The following DOT1L variants were observed in gnomAD, a reference collection of about 807,000 sequenced individuals.
DOT1L encodes the protein histone-lysine N-methyltransferase, H3 lysine-79 specific.
Under a neutral mutation model 153.3 loss-of-function variants are expected in DOT1L, and 33 were observed. That is an observed-to-expected ratio of 0.22 (90% CI 0.16 to 0.29). The LOEUF is 0.29. Ranked by LOEUF, DOT1L falls within the 10% of genes least tolerant of loss-of-function variation. DOT1L has a pLI of 1.00. For missense variants in DOT1L, 1,847 were observed against 2,119.9 expected, an observed-to-expected ratio of 0.87 and a Z score of 2.53; for synonymous variants, 1,135 against 965.1, an observed-to-expected ratio of 1.18 and a Z score of -3.26.
At chr19:2,224,236 C>T (rs189741465) in intron 25 of DOT1L, among the ~76,000 whole-genome samples, 9 of 152,264 alleles carry the variant, frequency 5.9e-5, no homozygotes, top group East Asian at 3.9e-4. Context: ...CATGGGTGTG[C>T]GTGTTTGTGT....
In DOT1L at chr19:2,220,585, G is replaced by A. The variant is rs940825001; in HGVS notation, c.2806+363G>A. On this transcript the variant is annotated intron_variant, in intron 23 of 27. Coordinates refer to ENST00000398665, the MANE Select transcript of DOT1L (RefSeq NM_032482.3). This position sits in a 1 kb window ranked among gnomAD's most constrained non-coding sequence, Gnocchi z 4.5. ...CACACAGCAGTGCCCAATGGCACACGACCGTGGGCCTCCGTGCTGGTAGCG... is the reference window on the plus strand; with the variant it reads ...CACACAGCAGTGCCCAATGGCACACAACCGTGGGCCTCCGTGCTGGTAGCG... 3 of 462,340 alleles carry A rather than the reference G, an allele frequency of 6.5e-6. No individual in the cohort carries two copies. Among genetic ancestry groups the A allele is most frequent in the Admixed American group, 2.4e-5 (1 of 42,444 alleles). 28.6% of individuals were successfully genotyped at this position (462,340 alleles called of 1,614,324 possible). A position where few individuals can be genotyped will look rare whatever the true frequency, so the allele number is the denominator to read the frequency against.
rs777573434 is a variant in DOT1L at position 2,230,779 on chromosome 19, A to C, written c.*987A>C. The C allele has an allele frequency of 2.5e-6, 1 of 392,198 alleles. No homozygotes were observed. The highest frequency in any genetic ancestry group is 4.5e-6 in the Non-Finnish European group (1 of 222,502). 24.3% of individuals were successfully genotyped at this position (392,198 alleles called of 1,614,324 possible). ...ACCTTATTTATTCAAACAGTGCACA[A>C]AATGGCCCCAGCGTCAGCCCCGACC... On this transcript the variant is annotated 3_prime_UTR_variant, in exon 28 of 28. Coordinates refer to ENST00000398665, the MANE Select transcript of DOT1L (RefSeq NM_032482.3).
chr19:2,225,845 G>T (rs1158387284), intron 26 of DOT1L, among the ~76,000 whole-genome samples: 1 of 152,042 alleles, frequency 6.6e-6, no homozygotes, highest in African/African-American at 2.4e-5. Context: ...CTTCCCTCCC[G>T]CAGGCTGCTG....
intron 25 of DOT1L, 147 bp from the exon 26 acceptor site, chr19:2,225,241 C>G: frequency 1.3e-6 from 1 of 744,408 alleles, no homozygotes; most frequent in Non-Finnish European, 2.3e-6. Context: ...CAGGCCTGGC[C>G]CAGGGTGGCT....
intron 7 of DOT1L, among the ~76,000 whole-genome samples, chr19:2,196,623 GC>G (rs1024261188): frequency 6.6e-6 from 1 of 152,182 alleles, no homozygotes; most frequent in African/African-American, 2.4e-5. Flanking sequence ...GAGCCACCGC[GC>G]CGGGCCTCCT....
intron 1 of DOT1L, among the ~76,000 whole-genome samples, chr19:2,170,446 T>C (rs2021551638): frequency 6.6e-6 from 1 of 152,224 alleles, no homozygotes; most frequent in South Asian, 2.1e-4. Context: ...CGGTTCCTCC[T>C]GTGCTCTCCG....
intron 9 of DOT1L, among the ~76,000 whole-genome samples, chr19:2,205,554 C>T (rs2023459529): frequency 6.6e-6 from 1 of 152,194 alleles, no homozygotes. Flanking sequence ...CACTGACAGT[C>T]AGTTAGAATC....
chr19:2,167,124 A>C (rs1463744638), intron 1 of DOT1L, among the ~76,000 whole-genome samples: 16 of 152,078 alleles, frequency 1.1e-4, no homozygotes, highest in Non-Finnish European at 1.9e-4. Flanking sequence ...GGCTGTTTCC[A>C]ATTTTTGGTG....
chr19:2,168,013 G>A (rs2019992060), intron 1 of DOT1L, among the ~76,000 whole-genome samples: 1 of 152,162 alleles, frequency 6.6e-6, no homozygotes, highest in African/African-American at 2.4e-5. Flanking sequence ...GGGATGACAG[G>A]CGTGAACCAC....
chr19:2,196,375 C>T (rs2023021470), intron 7 of DOT1L, among the ~76,000 whole-genome samples: 1 of 152,222 alleles, frequency 6.6e-6, no homozygotes, highest in Non-Finnish European at 1.5e-5. Flanking sequence ...TTCTGTCGCC[C>T]AGGCTGGAGG....
At position 2,220,576 on chromosome 19, in the gene DOT1L, A is replaced by G. The variant is rs527646795; in HGVS notation, c.2806+354A>G. The G allele has an allele frequency of 2.7e-4, 126 of 464,988 alleles. No individual in the cohort carries two copies. In the East Asian group the frequency reaches 4.2e-3, roughly 15 times the overall value. 28.8% of individuals were successfully genotyped at this position (464,988 alleles called of 1,614,324 possible). ...TCGGCTCCACACACAGCAGTGCCCA[A>G]TGGCACACGACCGTGGGCCTCCGTG... On this transcript the variant is annotated intron_variant, in intron 23 of 27. Coordinates refer to ENST00000398665, the MANE Select transcript of DOT1L (RefSeq NM_032482.3). This position sits in a 1 kb window ranked among gnomAD's most constrained non-coding sequence, Gnocchi z 4.5.
At chr19:2,164,406 C>T (rs539038419) in intron 1 of DOT1L, 141 bp downstream of exon 1, 8 of 514,000 alleles carry the variant, frequency 1.6e-5, no homozygotes, top group South Asian at 2.0e-4. Context: ...GCTGCTCCAC[C>T]CCCGTTGCTT....
chr19:2,193,798 G>C lies in DOT1L; in HGVS notation c.588+15G>C, dbSNP rs376695452. ...AGTATGCGGAGGTGAGCGGATCTGA[G>C]GGCCAGGGTGTGTTGGAGGCAGGGG... On this transcript the variant is annotated intron_variant, in intron 6 of 27. Coordinates refer to ENST00000398665, the MANE Select transcript of DOT1L (RefSeq NM_032482.3). The surrounding 1 kb of genome is among the most constrained non-coding windows in gnomAD (Gnocchi z 5.9). 6.5e-5 allele frequency: 104 copies of C among 1,611,766 alleles called. No individual in the cohort carries two copies. In the African/African-American group the frequency reaches 8.3e-4, roughly 13 times the overall value.
intron 27 of DOT1L, chr19:2,228,221 G>T (rs1457817383): frequency 2.2e-6 from 3 of 1,363,496 alleles, no homozygotes; most frequent in South Asian, 2.3e-5. Flanking sequence ...CCCTGCCCCG[G>T]CTGGCCCTGG....
At chr19:2,177,239 C>T (rs575144457) in intron 1 of DOT1L, among the ~76,000 whole-genome samples, 1 of 152,172 alleles carries the variant, frequency 6.6e-6, no homozygotes, top group South Asian at 2.1e-4. Context: ...ACAGAACATA[C>T]AGGAAACGAC....
intron 1 of DOT1L, among the ~76,000 whole-genome samples, chr19:2,176,427 C>T (rs1313515599): frequency 6.6e-6 from 1 of 152,214 alleles, no homozygotes; most frequent in Non-Finnish European, 1.5e-5. Context: ...CGAGTTCACC[C>T]TGCTACTGCT....
chr19:2,228,045 C>T lies in DOT1L; in HGVS notation c.4606+918C>T, dbSNP rs771978430. 9 of 1,305,878 alleles carry T rather than the reference C, an allele frequency of 6.9e-6. No homozygotes were observed. The East Asian group carries it at 1.7e-4, about 24-fold the overall frequency. 80.9% of individuals were successfully genotyped at this position (1,305,878 alleles called of 1,614,324 possible). On this transcript the variant is annotated intron_variant, in intron 27 of 27. Coordinates refer to ENST00000398665, the MANE Select transcript of DOT1L (RefSeq NM_032482.3). ...TCCCCCAACGCTGCTGGCCTCTAAC[C>T]CTGAGCCCGCGCTTCTGCAGAGCCT...
At chr19:2,175,850 G>T (rs1599536850) in intron 1 of DOT1L, among the ~76,000 whole-genome samples, 1 of 152,200 alleles carries the variant, frequency 6.6e-6, no homozygotes. Context: ...CTCCAGCCTC[G>T]GCAACGAGCA....
chr19:2,229,002 GCCC>G, intron 27 of DOT1L: 1 of 985,402 alleles, frequency 1.0e-6, no homozygotes, highest in Admixed American at 6.1e-5. Context: ...GCGTGTTGAG[GCCC>G]CCTTGCTGGA....
Sources: allele counts gnomAD v4.1 joint callset (sites outside exome capture counted in the v4.1 genomes callset), GRCh38; gene constraint gnomAD v4.1.1; non-coding constraint Gnocchi (gnomAD v3.1); transcripts MANE v1.5; gene names NCBI Gene and HGNC (gene_info 2026-07-23, HGNC 2026-07-21).